The following GULP1 variants were observed in gnomAD, a reference collection of about 807,000 sequenced individuals.
GULP1 encodes GULP PTB domain containing engulfment adaptor 1.
Under a neutral mutation model 40.9 loss-of-function variants are expected in GULP1, and 19 were observed. The observed-to-expected ratio is 0.46, with a 90% CI of 0.32 to 0.68. GULP1 has a LOEUF of 0.68. Ranked by LOEUF, GULP1 falls within the 30% of genes least tolerant of loss-of-function variation. The pLI is 0.03. For missense variants in GULP1, 312 were observed against 362.2 expected (o/e 0.86, Z 1.12); for synonymous variants, 119 against 117.6 (o/e 1.01, Z -0.08).
At chr2:188,503,226 A>G (rs773183201) in intron 4 of GULP1, among the ~76,000 whole-genome samples, 8 of 151,564 alleles carry the variant, frequency 5.3e-5, no homozygotes, top group Non-Finnish European at 1.0e-4. Flanking sequence ...TTTTTAGCTC[A>G]TCCACTATCA....
chr2:188,524,860 A>G (rs529677699), intron 5 of GULP1, among the ~76,000 whole-genome samples: 2 of 151,900 alleles, frequency 1.3e-5, no homozygotes, highest in Admixed American at 6.5e-5. Context: ...ATAATTCAGT[A>G]TGTGAATTTA....
At chr2:188,501,325 A>G (rs1335342189) in intron 4 of GULP1, among the ~76,000 whole-genome samples, 2 of 151,832 alleles carry the variant, frequency 1.3e-5, no homozygotes, top group African/African-American at 2.4e-5. Context: ...TCCTGCCTCC[A>G]TGTAAGACTT....
intron 2 of GULP1, among the ~76,000 whole-genome samples, chr2:188,462,451 G>A (rs567621625): frequency 1.3e-5 from 2 of 152,220 alleles, no homozygotes; most frequent in East Asian, 3.9e-4. Context: ...TTGGCCGAGA[G>A]TGCAGATTAA....
intron 2 of GULP1, among the ~76,000 whole-genome samples, chr2:188,408,967 C>T (rs2053506783): frequency 6.6e-6 from 1 of 151,676 alleles, no homozygotes. Flanking sequence ...CACAATATAC[C>T]AAAACTTATG....
intron 2 of GULP1, among the ~76,000 whole-genome samples, chr2:188,445,674 C>G (rs984740514): frequency 1.3e-5 from 2 of 152,138 alleles, no homozygotes; most frequent in Non-Finnish European, 2.9e-5. Context: ...GTGTCCACAA[C>G]TAGTTTTTAG....
At chr2:188,586,301 A>T (rs1317155380) in intron 10 of GULP1, among the ~76,000 whole-genome samples, 1 of 152,174 alleles carries the variant, frequency 6.6e-6, no homozygotes, top group African/African-American at 2.4e-5. Flanking sequence ...CATTTCGTTT[A>T]CTAAATTTTT....
At chr2:188,548,090 T>G (rs967581258) in intron 7 of GULP1, among the ~76,000 whole-genome samples, 1 of 152,070 alleles carries the variant, frequency 6.6e-6, no homozygotes, top group Non-Finnish European at 1.5e-5. Flanking sequence ...TTCACTCTCT[T>G]GGCTCATATG....
At chr2:188,560,462 A>G (rs1302857760) in intron 7 of GULP1, among the ~76,000 whole-genome samples, 2 of 152,142 alleles carry the variant, frequency 1.3e-5, no homozygotes, top group Non-Finnish European at 2.9e-5. Context: ...CAAATTCCAA[A>G]CTTTCCCTCA....
chr2:188,424,486 T>C (rs1003615370), intron 2 of GULP1, among the ~76,000 whole-genome samples: 1 of 151,914 alleles, frequency 6.6e-6, no homozygotes, highest in Admixed American at 6.6e-5. Context: ...ATTTCAACAA[T>C]ATATTATTTC....
intron 6 of GULP1, among the ~76,000 whole-genome samples, chr2:188,538,395 G>A (rs2153291437): frequency 6.6e-6 from 1 of 152,102 alleles, no homozygotes; most frequent in East Asian, 1.9e-4. Flanking sequence ...TAATGAAAAA[G>A]AAGCATCTCT....
chr2:188,513,406 CA>C (rs1265028610), intron 4 of GULP1, among the ~76,000 whole-genome samples: 1 of 152,070 alleles, frequency 6.6e-6, no homozygotes, highest in Non-Finnish European at 1.5e-5. Context: ...TATGTAGATA[CA>C]ATCACTTATA....
chr2:188,508,123 G>A (rs2064123108), intron 4 of GULP1, among the ~76,000 whole-genome samples: 1 of 151,834 alleles, frequency 6.6e-6, no homozygotes, highest in African/African-American at 2.4e-5. Context: ...GCCCAGGAAT[G>A]TGCTACCACT....
chr2:188,480,707 TA>T (rs2061381241), intron 3 of GULP1, among the ~76,000 whole-genome samples: 1 of 151,752 alleles, frequency 6.6e-6, no homozygotes, highest in Non-Finnish European at 1.5e-5. Flanking sequence ...TTCTTTTAAT[TA>T]AAAAAATTTT....
chr2:188,536,549 C>T (rs893249398), intron 6 of GULP1, among the ~76,000 whole-genome samples: 47 of 151,840 alleles, frequency 3.1e-4, no homozygotes, highest in African/African-American at 1.1e-3. Flanking sequence ...GGTCTATGTA[C>T]CTGTTTTTGT....
chr2:188,364,388 T>C (rs2046468033), intron 1 of GULP1, among the ~76,000 whole-genome samples: 1 of 152,176 alleles, frequency 6.6e-6, no homozygotes, highest in East Asian at 1.9e-4. Flanking sequence ...ATGTTCAGAA[T>C]ACTACCACGC....
intron 2 of GULP1, among the ~76,000 whole-genome samples, chr2:188,464,624 C>T (rs2059968760): frequency 1.3e-5 from 2 of 152,192 alleles, no homozygotes; most frequent in Admixed American, 1.3e-4. Flanking sequence ...TAGATCGGTT[C>T]AGAGGTGCCA....
At chr2:188,497,252 TTA>T in intron 4 of GULP1, among the ~76,000 whole-genome samples, 1 of 152,004 alleles carries the variant, frequency 6.6e-6, no homozygotes, top group Non-Finnish European at 1.5e-5. Flanking sequence ...CAAATGAATA[TTA>T]TGTTATTTAT....
intron 2 of GULP1, among the ~76,000 whole-genome samples, chr2:188,421,246 G>C (rs113977046): frequency 2.6e-5 from 4 of 152,208 alleles, no homozygotes; most frequent in South Asian, 2.1e-4. Context: ...AATTGTGTTT[G>C]TATATCCCCA....
At chr2:188,415,034 C>T (rs1478444556) in intron 2 of GULP1, among the ~76,000 whole-genome samples, 1 of 151,990 alleles carries the variant, frequency 6.6e-6, no homozygotes, top group Non-Finnish European at 1.5e-5. Flanking sequence ...TGTTAGAATG[C>T]ATTGTTTAAA....
Sources: allele counts gnomAD v4.1 joint callset (sites outside exome capture counted in the v4.1 genomes callset), GRCh38; gene constraint gnomAD v4.1.1; transcripts MANE v1.5; gene names NCBI Gene and HGNC (gene_info 2026-07-23, HGNC 2026-07-21).